C12orf42: variants seen among roughly 807,000 people sequenced by gnomAD.
The protein encoded by C12orf42 is chromosome 12 open reading frame 42, also known as uncharacterized protein C12orf42.
C12orf42 carries 25 observed loss-of-function variants against 21.6 expected under a neutral mutation model. The ratio of observed to expected loss-of-function variants is 1.16; its 90% CI spans 0.84 to 1.62. C12orf42 has a LOEUF of 1.62. Ranked by LOEUF, C12orf42 falls within the 40% of genes most tolerant of loss-of-function variation. The pLI is 0.00. For synonymous variants in C12orf42, 174 were observed against 175.0 expected (o/e 0.99, Z 0.05); for missense variants, 483 against 459.3 (o/e 1.05, Z -0.47).
the C12orf42 span, among the ~76,000 whole-genome samples, chr12:103,071,457 G>A: frequency 6.6e-6 from 1 of 152,066 alleles, no homozygotes. Flanking sequence ...CTCAATCAGA[G>A]AGCATCCCTA....
At chr12:103,452,723 G>T (rs1422802396) in intron 2 of C12orf42, among the ~76,000 whole-genome samples, 1 of 152,080 alleles carries the variant, frequency 6.6e-6, no homozygotes, top group Non-Finnish European at 1.5e-5. Context: ...CATGTCCTTT[G>T]CAGGGACATG....
intron 3 of C12orf42, among the ~76,000 whole-genome samples, chr12:103,372,315 T>G (rs1226863228): frequency 6.6e-6 from 1 of 152,104 alleles, no homozygotes; most frequent in East Asian, 1.9e-4. Context: ...TTCCCACCAT[T>G]TAAACAGTGG....
intron 4 of C12orf42, among the ~76,000 whole-genome samples, chr12:103,362,460 C>A (rs1387375310): frequency 6.6e-6 from 1 of 152,010 alleles, no homozygotes; most frequent in African/African-American, 2.4e-5. Context: ...CTTTACCACC[C>A]CCCAAAAAAA....
chr12:103,113,637 T>C, the C12orf42 span, among the ~76,000 whole-genome samples: 2 of 152,210 alleles, frequency 1.3e-5, no homozygotes, highest in Non-Finnish European at 2.9e-5. Context: ...ATAGTGCACA[T>C]ATTAACCTCC....
At chr12:103,152,779 GAC>G in the C12orf42 span, among the ~76,000 whole-genome samples, 1 of 146,646 alleles carries the variant, frequency 6.8e-6, no homozygotes, top group Non-Finnish European at 1.5e-5. Flanking sequence ...TGAAAAAGCA[GAC>G]ACATGTGAGA....
chr12:103,460,843 G>A (rs1227406267), intron 2 of C12orf42, among the ~76,000 whole-genome samples: 1 of 152,150 alleles, frequency 6.6e-6, no homozygotes, highest in Non-Finnish European at 1.5e-5. Context: ...TTTGGATACT[G>A]TGTAAGGTCA....
intron 2 of C12orf42, among the ~76,000 whole-genome samples, chr12:103,419,095 G>C (rs1195655399): frequency 2.0e-5 from 3 of 152,104 alleles, no homozygotes; most frequent in Non-Finnish European, 4.4e-5. Flanking sequence ...GGTAAGGCAG[G>C]AAGAGCTGCA....
At chr12:103,457,960 G>C (rs1024183145) in intron 2 of C12orf42, among the ~76,000 whole-genome samples, 2 of 152,040 alleles carry the variant, frequency 1.3e-5, no homozygotes, top group African/African-American at 4.8e-5. Flanking sequence ...AAGGAGAGGA[G>C]AAAAAAAGCA....
chr12:103,299,871 T>C (rs1458551166), downstream of C12orf42, among the ~76,000 whole-genome samples: 1 of 152,162 alleles, frequency 6.6e-6, no homozygotes, highest in Admixed American at 6.5e-5. Flanking sequence ...GAGTTGAAAA[T>C]GCTTCTCATC....
At chr12:103,476,630 G>A (rs1282388645) in intron 2 of C12orf42, among the ~76,000 whole-genome samples, 1 of 152,188 alleles carries the variant, frequency 6.6e-6, no homozygotes. Flanking sequence ...GTTGTGTAAG[G>A]GGGATACTTT....
chr12:103,554,606 T>C, the C12orf42 span, among the ~76,000 whole-genome samples: 1 of 151,798 alleles, frequency 6.6e-6, no homozygotes, highest in African/African-American at 2.4e-5. Flanking sequence ...AATCAGCTTT[T>C]GGTTCTATGG....
intron 4 of C12orf42, among the ~76,000 whole-genome samples, chr12:103,287,632 C>T (rs773390571): frequency 1.3e-5 from 2 of 151,440 alleles, no homozygotes; most frequent in Admixed American, 1.3e-4. Context: ...GTGCAGCACA[C>T]CAACATGGCA....
chr12:103,423,100 A>G (rs1027646433), intron 2 of C12orf42, among the ~76,000 whole-genome samples: 1 of 152,200 alleles, frequency 6.6e-6, no homozygotes, highest in African/African-American at 2.4e-5. Context: ...AAATACCTAC[A>G]AAGCAGAAGG....
chr12:103,432,411 A>G (rs1756352972), intron 2 of C12orf42, among the ~76,000 whole-genome samples: 1 of 152,230 alleles, frequency 6.6e-6, no homozygotes, highest in African/African-American at 2.4e-5. Context: ...CCTGGTTGGC[A>G]GTGGGAGGAC....
the C12orf42 span, among the ~76,000 whole-genome samples, chr12:103,073,217 A>G: frequency 6.6e-6 from 1 of 152,168 alleles, no homozygotes; most frequent in African/African-American, 2.4e-5. Flanking sequence ...AGGAAAAATA[A>G]TTAATGGGTA....
chr12:103,403,236 A>G (rs1488755732), intron 2 of C12orf42, among the ~76,000 whole-genome samples: 2 of 151,898 alleles, frequency 1.3e-5, no homozygotes, highest in African/African-American at 4.8e-5. Flanking sequence ...ATTAGCCGGG[A>G]GTGGTGGCGG....
chr12:103,188,466 A>G, the C12orf42 span, among the ~76,000 whole-genome samples: 2 of 151,668 alleles, frequency 1.3e-5, no homozygotes, highest in Admixed American at 1.3e-4. Flanking sequence ...GAGGATTGGA[A>G]CCACAGAAGC....
At chr12:103,344,606 C>T (rs1266290933) in intron 4 of C12orf42, among the ~76,000 whole-genome samples, 2 of 152,066 alleles carry the variant, frequency 1.3e-5, no homozygotes, top group Admixed American at 6.5e-5. Flanking sequence ...TTGGGTAAGC[C>T]CTGGGATTGA....
chr12:103,367,773 C>A (rs770383030), intron 4 of C12orf42, among the ~76,000 whole-genome samples: 1 of 151,830 alleles, frequency 6.6e-6, no homozygotes, highest in Non-Finnish European at 1.5e-5. Flanking sequence ...ATTATCCCCC[C>A]CCAAAAAAAT....
Sources: allele counts gnomAD v4.1 joint callset (sites outside exome capture counted in the v4.1 genomes callset), GRCh38; gene constraint gnomAD v4.1.1; transcripts MANE v1.5; gene names NCBI Gene and HGNC (gene_info 2026-07-23, HGNC 2026-07-21).